The following SERGEF variants were observed in gnomAD, a reference collection of about 807,000 sequenced individuals.
SERGEF encodes secretion regulating guanine nucleotide exchange factor.
In SERGEF, 51 loss-of-function variants were observed where a neutral mutation model predicts 50.0. The ratio of observed to expected loss-of-function variants is 1.02; its 90% CI spans 0.81 to 1.29. The LOEUF is 1.29. Among genes scored for constraint, SERGEF ranks in the 50% most tolerant of loss-of-function variants. The pLI is 0.00. For synonymous variants in SERGEF, 205 were observed against 212.4 expected (o/e 0.97, Z 0.30); for missense variants, 521 against 557.0 (o/e 0.94, Z 0.65).
At chr11:17,935,106 C>A (rs1852425614) in intron 9 of SERGEF, among the ~76,000 whole-genome samples, 1 of 152,140 alleles carries the variant, frequency 6.6e-6, no homozygotes, top group African/African-American at 2.4e-5. Context: ...CCCAATTCAA[C>A]CAGAACAGTT....
chr11:17,973,971 C>T (rs1012431867), intron 8 of SERGEF, among the ~76,000 whole-genome samples: 11 of 152,222 alleles, frequency 7.2e-5, no homozygotes, highest in Admixed American at 7.2e-4. Context: ...GACTTAGAGT[C>T]CCAGTAATTC....
intron 10 of SERGEF, among the ~76,000 whole-genome samples, chr11:17,803,740 A>G (rs561399561): frequency 2.9e-4 from 44 of 152,218 alleles, no homozygotes; most frequent in African/African-American, 1.0e-3. Context: ...GCCAGCTATT[A>G]GTGAATCTGG....
intron 9 of SERGEF, among the ~76,000 whole-genome samples, chr11:17,932,801 G>A (rs1042899268): frequency 1.3e-5 from 2 of 152,132 alleles, no homozygotes; most frequent in African/African-American, 4.8e-5. Flanking sequence ...TTCAAGCTGG[G>A]TGGCTGGGAG....
intron 10 of SERGEF, among the ~76,000 whole-genome samples, chr11:17,871,546 C>T (rs777278724): frequency 4.0e-5 from 6 of 150,692 alleles, no homozygotes; most frequent in African/African-American, 1.2e-4. Flanking sequence ...CTGGAATCTA[C>T]AAGATATAAG....
At chr11:17,815,021 GAT>G (rs903002190) in intron 10 of SERGEF, among the ~76,000 whole-genome samples, 2 of 151,936 alleles carry the variant, frequency 1.3e-5, no homozygotes, top group African/African-American at 2.4e-5. Context: ...TCTCTACAAA[GAT>G]AAAAAATTAA....
intron 1 of SERGEF, chr11:18,012,597 C>A: frequency 8.5e-7 from 1 of 1,179,742 alleles, no homozygotes; most frequent in Non-Finnish European, 1.1e-6. Flanking sequence ...GCTCTGGGAC[C>A]GGGCGATCCT....
chr11:17,820,573 GGAT>G (rs1238359089), intron 10 of SERGEF, among the ~76,000 whole-genome samples: 1 of 152,126 alleles, frequency 6.6e-6, no homozygotes, highest in African/African-American at 2.4e-5. Context: ...TGAAAAATGA[GGAT>G]GATAAAACCT....
intron 9 of SERGEF, among the ~76,000 whole-genome samples, chr11:17,906,638 T>C (rs1851846725): frequency 6.6e-6 from 1 of 152,062 alleles, no homozygotes; most frequent in South Asian, 2.1e-4. Context: ...CCTGACCCAG[T>C]TTTCTCCCCA....
intron 8 of SERGEF, among the ~76,000 whole-genome samples, chr11:17,962,761 C>T (rs986959054): frequency 6.6e-6 from 1 of 152,138 alleles, no homozygotes; most frequent in African/African-American, 2.4e-5. Context: ...GGGTCTGGAA[C>T]TAGAATTGTC....
intron 10 of SERGEF, among the ~76,000 whole-genome samples, chr11:17,792,353 C>A (rs543706617): frequency 6.6e-6 from 1 of 152,342 alleles, no homozygotes; most frequent in South Asian, 2.1e-4. Context: ...ACCTTTGCGC[C>A]TAGTTCGGCA....
At chr11:17,950,966 G>A (rs982880209) in intron 9 of SERGEF, among the ~76,000 whole-genome samples, 1 of 152,176 alleles carries the variant, frequency 6.6e-6, no homozygotes, top group Admixed American at 6.5e-5. Context: ...TGAAAAAAAA[G>A]CAAGCCAGAG....
At chr11:17,885,401 A>C (rs1851410991) in intron 9 of SERGEF, among the ~76,000 whole-genome samples, 1 of 152,120 alleles carries the variant, frequency 6.6e-6, no homozygotes, top group African/African-American at 2.4e-5. Flanking sequence ...AGCTCACTAT[A>C]ACCTCGAATT....
intron 9 of SERGEF, chr11:17,926,926 C>T (rs1852263254): frequency 4.5e-6 from 2 of 440,328 alleles, no homozygotes; most frequent in Admixed American, 2.4e-5. Context: ...AGACTGTCTG[C>T]TCCTATGCCC....
intron 9 of SERGEF, among the ~76,000 whole-genome samples, chr11:17,944,271 T>C (rs541702562): frequency 2.6e-5 from 4 of 152,330 alleles, no homozygotes; most frequent in South Asian, 4.1e-4. Context: ...CCAAACTTGA[T>C]GCCCCATTAT....
At chr11:17,788,514 C>T in intron 10 of SERGEF, 101 bp from the exon 11 acceptor site, 2 of 978,960 alleles carry the variant, frequency 2.0e-6, no homozygotes, top group East Asian at 2.7e-5. Flanking sequence ...CCAGTTCACT[C>T]AGGAAGACGC....
chr11:17,876,027 T>C (rs1165915205), intron 10 of SERGEF, among the ~76,000 whole-genome samples: 1 of 152,192 alleles, frequency 6.6e-6, no homozygotes, highest in Non-Finnish European at 1.5e-5. Context: ...GCAACTTGTC[T>C]CCCTCTTGCT....
At position 18,000,540 on chromosome 11, in the gene SERGEF, A is replaced by G. The variant is rs750510891; in HGVS notation, c.465T>C (p.Val155=). 1 of 1,587,508 alleles carries G rather than the reference A, an allele frequency of 6.3e-7. No individual in the cohort carries two copies. The highest frequency in any genetic ancestry group is 8.5e-7 in the Non-Finnish European group (1 of 1,171,914). ...GCCTCAGTCCAGCAGCAATACAAAC[A>G]ACCTTCTCTTTATGGAGCTGTCAAA... The part of the protein sequence containing the change: ...PQAIELHKEK[V]VCIAAGLRHA... Residue 155 remains valine (V), a synonymous_variant, in exon 5 of 11, where the codon GTT becomes GTC. Transcript: ENST00000265965.
intron 10 of SERGEF, among the ~76,000 whole-genome samples, chr11:17,824,173 C>T (rs1049977474): frequency 1.3e-5 from 2 of 152,122 alleles, no homozygotes; most frequent in Admixed American, 6.5e-5. Flanking sequence ...TGGTGGCGGG[C>T]GCCTGTAGTC....
At chr11:18,002,158 TC>T in intron 4 of SERGEF, 1 of 372,640 alleles carries the variant, frequency 2.7e-6, no homozygotes, top group South Asian at 2.1e-5. Context: ...CTTTTGTTTT[TC>T]CCCAAAAAAC....
Sources: gnomAD v4.1 joint callset for allele counts (sites outside exome capture counted in the v4.1 genomes callset) on GRCh38, gnomAD v4.1.1 for gene constraint, MANE v1.5 for transcripts, NCBI Gene and HGNC (gene_info 2026-07-23, HGNC 2026-07-21) for gene names.